Variants in KLF16 observed in about 807,000 individuals in gnomAD.
KLF16 encodes KLF transcription factor 16.
A neutral mutation model predicts 6.1 loss-of-function variants in KLF16; 6 were observed. The observed-to-expected ratio is 0.98, with a 90% CI of 0.54 to 1.93. KLF16 has a LOEUF of 1.93. Ranked by LOEUF, KLF16 falls within the 30% of genes most tolerant of loss-of-function variation. The pLI is 0.01. For missense variants in KLF16, 355 were observed against 363.8 expected (o/e 0.98, Z 0.20); for synonymous variants, 211 against 176.5 (o/e 1.20, Z -1.55).
At chr19:1,855,279 G>T (rs1568731566) in intron 1 of KLF16, among the ~76,000 whole-genome samples, 1 of 152,204 alleles carries the variant, frequency 6.6e-6, no homozygotes, top group Non-Finnish European at 1.5e-5. Context: ...GGGTTAAGGG[G>T]GTACAATCAT....
chr19:1,869,335 C>T, the KLF16 span, among the ~76,000 whole-genome samples: 1 of 152,114 alleles, frequency 6.6e-6, no homozygotes, highest in African/African-American at 2.4e-5. Flanking sequence ...AAAAAATTAG[C>T]CAGGTTTGGT....
intron 1 of KLF16, among the ~76,000 whole-genome samples, chr19:1,858,123 G>C (rs1007280805): frequency 6.6e-6 from 1 of 151,854 alleles, no homozygotes; most frequent in African/African-American, 2.4e-5. Context: ...ACGCAGGCAG[G>C]CATACCCACC....
the KLF16 span, chr19:1,875,766 G>A: frequency 5.2e-5 from 8 of 152,708 alleles, no homozygotes; most frequent in East Asian, 1.9e-4. Context: ...GGCTCTTCGG[G>A]AGGCATGAAA....
chr19:1,860,637 C>T (rs571323682), intron 1 of KLF16, among the ~76,000 whole-genome samples: 1 of 152,306 alleles, frequency 6.6e-6, no homozygotes, highest in East Asian at 1.9e-4. Flanking sequence ...GGCCTCCACT[C>T]CATTCAGGGA....
rs2012110618 is a variant in KLF16 at position 1,863,286 on chromosome 19, CCGGGGCCCGGGCCAGAAGCGG to C, written c.191_211del (p.Ala64_Pro70del). 2.0e-6 allele frequency: 2 copies of C among 985,762 alleles called. No homozygotes were observed. Among genetic ancestry groups the C allele is most frequent in the South Asian group, 9.0e-5 (2 of 22,118 alleles). 61.1% of individuals were successfully genotyped at this position (985,762 alleles called of 1,614,324 possible). A position where few individuals can be genotyped will look rare whatever the true frequency, so the allele number is the denominator to read the frequency against. ...CAGCAGGTGGGGCGCCGCGGCGGCG[CCGGGGCCCGGGCCAGAAGCGG>C]CGGGGGGCGGCGGGGGTGGCCCCGG... On this transcript the variant is annotated inframe_deletion, in exon 1 of 2. Coordinates refer to ENST00000250916, the MANE Select transcript of KLF16 (RefSeq NM_031918.4).
At position 1,854,521 on chromosome 19, in the gene KLF16, A is replaced by T. The variant is rs762858236; in HGVS notation, c.697T>A (p.Cys233Ser). ...GGCGCAGGGCTCCCGGCCAGGCTGC[A>T]GGGCAGCGAGTCGCTGGGGGAGGTA... ...RSTSPSDSLP[C>S]SLAGSPAPSP... The change falls in exon 2 of 2, where the codon TGC (cysteine) becomes AGC (serine). Residue 233 changes from cysteine to serine, a missense_variant. Coordinates refer to ENST00000250916, the MANE Select transcript of KLF16 (RefSeq NM_031918.4). 3 of 1,508,506 alleles carry T rather than the reference A, an allele frequency of 2.0e-6. No individual in the cohort carries two copies. Among genetic ancestry groups the T allele is most frequent in the East Asian group, 5.0e-5 (2 of 39,722 alleles). The allele number at this position is 1,508,506 out of a possible 1,614,324, so 93.4% of individuals were successfully genotyped here.
the KLF16 span, chr19:1,875,767 A>C: frequency 2.6e-5 from 4 of 152,494 alleles, no homozygotes; most frequent in African/African-American, 9.7e-5. Flanking sequence ...GCTCTTCGGG[A>C]GGCATGAAAG....
chr19:1,866,440 G>T (rs554478583), upstream of KLF16, among the ~76,000 whole-genome samples: 1 of 151,242 alleles, frequency 6.6e-6, no homozygotes, highest in Non-Finnish European at 1.5e-5. Context: ...AAGAAACCCC[G>T]TCTCTACTAA....
chr19:1,866,952 GCTCACCTCTACC>G (rs544226590), upstream of KLF16, among the ~76,000 whole-genome samples: 4 of 152,230 alleles, frequency 2.6e-5, no homozygotes, highest in East Asian at 7.7e-4. Flanking sequence ...ATAAATGGGG[GCTCACCTCTACC>G]CTTCCCTGAC....
chr19:1,870,728 G>A, the KLF16 span, among the ~76,000 whole-genome samples: 3 of 152,226 alleles, frequency 2.0e-5, no homozygotes, highest in Admixed American at 1.3e-4. Context: ...TGGCGTGGTG[G>A]CTCACGCCTT....
At chr19:1,873,713 G>A in the KLF16 span, among the ~76,000 whole-genome samples, 19 of 152,244 alleles carry the variant, frequency 1.2e-4, no homozygotes, top group African/African-American at 3.4e-4. Flanking sequence ...GGGAGAGCGC[G>A]CGTCCTGGAA....
intron 1 of KLF16, among the ~76,000 whole-genome samples, chr19:1,858,784 G>A (rs1262474355): frequency 6.6e-6 from 1 of 152,080 alleles, no homozygotes; most frequent in Non-Finnish European, 1.5e-5. Flanking sequence ...GGTCGGCAGG[G>A]GACAACCCCC....
intron 1 of KLF16, among the ~76,000 whole-genome samples, chr19:1,856,689 AAGGGCCTCAG>A (rs2145364563): frequency 6.6e-6 from 1 of 152,234 alleles, no homozygotes; most frequent in African/African-American, 2.4e-5. Flanking sequence ...GACAGCTCCC[AAGGGCCTCAG>A]TCTGGGGACG....
chr19:1,874,552 G>T, the KLF16 span, among the ~76,000 whole-genome samples: 2 of 151,420 alleles, frequency 1.3e-5, no homozygotes. Flanking sequence ...ATCTTACAGC[G>T]GAGAAGATAT....
chr19:1,856,391 C>T (rs536946361), intron 1 of KLF16, among the ~76,000 whole-genome samples: 3 of 152,314 alleles, frequency 2.0e-5, no homozygotes, highest in South Asian at 4.1e-4. Flanking sequence ...CCCTGCCACA[C>T]CCCGACACCC....
intron 1 of KLF16, among the ~76,000 whole-genome samples, chr19:1,860,851 C>T (rs909904434): frequency 6.6e-6 from 1 of 152,170 alleles, no homozygotes; most frequent in Non-Finnish European, 1.5e-5. Flanking sequence ...CACAAGTATC[C>T]AAAACCCTTT....
At chr19:1,872,455 T>C in the KLF16 span, among the ~76,000 whole-genome samples, 1 of 152,192 alleles carries the variant, frequency 6.6e-6, no homozygotes, top group Admixed American at 6.5e-5. Flanking sequence ...CAGGGCACTC[T>C]GCTAACAGCC....
chr19:1,859,389 C>G (rs1163418595), intron 1 of KLF16, among the ~76,000 whole-genome samples: 2 of 151,860 alleles, frequency 1.3e-5, no homozygotes, highest in Non-Finnish European at 1.5e-5. Context: ...CAGCACGCCT[C>G]GATCCCTCCC....
chr19:1,874,746 CAAAAAAAAAAAAAAAAAA>C, the KLF16 span: 2 of 41,976 alleles, frequency 4.8e-5, no homozygotes, highest in Non-Finnish European at 9.3e-5. Flanking sequence ...GTCAGAGTCC[CAAAAAAAAAAAAAAAAAA>C]AAAAAAAAAA....
Sources: allele counts gnomAD v4.1 joint callset (sites outside exome capture counted in the v4.1 genomes callset), GRCh38; gene constraint gnomAD v4.1.1; transcripts MANE v1.5; gene names NCBI Gene and HGNC (gene_info 2026-07-23, HGNC 2026-07-21).